The following NUP210L variants were observed in gnomAD, a reference collection of about 807,000 sequenced individuals.
The protein encoded by NUP210L is nucleoporin 210 like.
In NUP210L, 74 loss-of-function variants were observed where a neutral mutation model predicts 208.5. That is an observed-to-expected ratio of 0.35 (90% CI 0.29 to 0.43). The LOEUF (loss-of-function observed/expected upper bound fraction) is 0.43. Ranked by LOEUF, NUP210L falls within the 20% of genes least tolerant of loss-of-function variation. The probability of loss-of-function intolerance (pLI) is 1.00; values close to 1 mark genes in which losing one functional copy is unlikely to be tolerated. For missense variants in NUP210L, 1,843 were observed against 2,289.4 expected, an observed-to-expected ratio of 0.81 and a Z score of 3.98; for synonymous variants, 780 against 816.9, an observed-to-expected ratio of 0.95 and a Z score of 0.77.
chr1:154,012,989 A>G (rs1396643063), intron 33 of NUP210L, among the ~76,000 whole-genome samples: 4 of 118,680 alleles, frequency 3.4e-5, no homozygotes, highest in Non-Finnish European at 6.5e-5. Flanking sequence ...CTGGGCAACA[A>G]GAGTGAAACT....
chr1:154,128,153 C>T (rs1445208540), intron 8 of NUP210L, among the ~76,000 whole-genome samples: 4 of 152,148 alleles, frequency 2.6e-5, no homozygotes, highest in Non-Finnish European at 5.9e-5. Context: ...TGAACCACTG[C>T]ACCCAGCTCT....
intron 16 of NUP210L, among the ~76,000 whole-genome samples, chr1:154,075,305 T>A (rs1654975333): frequency 6.6e-6 from 1 of 152,138 alleles, no homozygotes; most frequent in Non-Finnish European, 1.5e-5. Context: ...ATGTGAGACA[T>A]ACCCACGTAT....
chr1:154,125,082 A>C (rs2148112753), intron 10 of NUP210L, among the ~76,000 whole-genome samples: 1 of 152,302 alleles, frequency 6.6e-6, no homozygotes, highest in East Asian at 1.9e-4. Context: ...ACATGGGAGG[A>C]TCACTTGAGC....
At chr1:154,103,410 C>T (rs1282102311) in intron 13 of NUP210L, among the ~76,000 whole-genome samples, 3 of 148,278 alleles carry the variant, frequency 2.0e-5, no homozygotes, top group East Asian at 2.0e-4. Context: ...CGGTGGCTCA[C>T]GCCTGTAATC....
chr1:154,026,500 A>C (rs1184783420), intron 29 of NUP210L, among the ~76,000 whole-genome samples: 1 of 151,804 alleles, frequency 6.6e-6, no homozygotes, highest in Non-Finnish European at 1.5e-5. Flanking sequence ...AGGCATGTGC[A>C]ACCACCCCTG....
At chr1:154,044,452 C>T (rs538733561) in intron 27 of NUP210L, among the ~76,000 whole-genome samples, 1 of 151,604 alleles carries the variant, frequency 6.6e-6, no homozygotes, top group South Asian at 2.1e-4. Context: ...CAAATCCTTA[C>T]ATTAAATTGC....
chr1:154,016,118 A>G (rs1007682328), intron 33 of NUP210L, among the ~76,000 whole-genome samples: 1 of 151,788 alleles, frequency 6.6e-6, no homozygotes, highest in Non-Finnish European at 1.5e-5. Context: ...TTAGCCAGGT[A>G]TGCTGGCACA....
exon 36 of NUP210L, chr1:154,001,758 C>G: frequency 2.5e-6 from 4 of 1,614,090 alleles, no homozygotes; most frequent in Non-Finnish European, 3.4e-6. Flanking sequence ...AGAACTCTGT[C>G]CACTCCCAGT....
intron 16 of NUP210L, among the ~76,000 whole-genome samples, chr1:154,072,746 C>T (rs756608036): frequency 7.2e-5 from 11 of 152,256 alleles, no homozygotes; most frequent in Non-Finnish European, 1.3e-4. Context: ...GGGTCCTCAT[C>T]CCTCACCTTA....
intron 17 of NUP210L, among the ~76,000 whole-genome samples, chr1:154,063,937 G>A (rs1654266372): frequency 6.7e-6 from 1 of 149,938 alleles, no homozygotes; most frequent in African/African-American, 2.4e-5. Flanking sequence ...GGAATAGGGA[G>A]CACTAAAGTA....
At chr1:154,070,690 T>C (rs1193069182) in intron 16 of NUP210L, among the ~76,000 whole-genome samples, 1 of 152,156 alleles carries the variant, frequency 6.6e-6, no homozygotes, top group African/African-American at 2.4e-5. Flanking sequence ...TTTCTCTCTC[T>C]CCCTCTCCTT....
At chr1:154,105,619 T>C (rs2148072148) in intron 12 of NUP210L, among the ~76,000 whole-genome samples, 1 of 152,314 alleles carries the variant, frequency 6.6e-6, no homozygotes, top group Non-Finnish European at 1.5e-5. Flanking sequence ...GTGATGACCA[T>C]GAGCAGAGAC....
At chr1:154,061,770 T>C in intron 17 of NUP210L, 96 bp from the exon 18 acceptor site, 1 of 773,210 alleles carries the variant, frequency 1.3e-6, no homozygotes. Context: ...TTTTTCCAAA[T>C]GGTGCTTTAT....
intron 37 of NUP210L, among the ~76,000 whole-genome samples, chr1:153,996,466 G>C (rs1330205063): frequency 6.6e-6 from 1 of 152,086 alleles, no homozygotes; most frequent in African/African-American, 2.4e-5. Context: ...CTGTTGCCCA[G>C]GCTGGAGTGC....
intron 27 of NUP210L, among the ~76,000 whole-genome samples, chr1:154,034,752 T>A (rs1652436168): frequency 6.6e-6 from 1 of 152,210 alleles, no homozygotes; most frequent in South Asian, 2.1e-4. Context: ...TTTATCTATT[T>A]CTTCTAGGTT....
intron 25 of NUP210L, among the ~76,000 whole-genome samples, chr1:154,050,170 A>G (rs1653409059): frequency 6.6e-6 from 1 of 152,242 alleles, no homozygotes; most frequent in South Asian, 2.1e-4. Flanking sequence ...AGTAAGTGAC[A>G]CTACAATAGT....
At chr1:154,099,642 G>T (rs530020376) in intron 14 of NUP210L, among the ~76,000 whole-genome samples, 4 of 152,104 alleles carry the variant, frequency 2.6e-5, no homozygotes, top group African/African-American at 7.2e-5. Context: ...TACTAACTTC[G>T]GTATTTACAG....
At chr1:154,073,271 T>A (rs1381918284) in intron 16 of NUP210L, among the ~76,000 whole-genome samples, 1 of 151,990 alleles carries the variant, frequency 6.6e-6, no homozygotes, top group Non-Finnish European at 1.5e-5. Flanking sequence ...AGAGACGGGG[T>A]CTCACTGTGT....
intron 12 of NUP210L, among the ~76,000 whole-genome samples, chr1:154,115,861 G>T (rs1557987010): frequency 6.6e-6 from 1 of 151,982 alleles, no homozygotes; most frequent in Non-Finnish European, 1.5e-5. Flanking sequence ...GCTCATGCCT[G>T]TAATCCCACC....
Sources: gnomAD v4.1 joint callset for allele counts (sites outside exome capture counted in the v4.1 genomes callset) on GRCh38, gnomAD v4.1.1 for gene constraint, MANE v1.5 for transcripts, NCBI Gene and HGNC (gene_info 2026-07-23, HGNC 2026-07-21) for gene names.